ARHGAP15: variants seen among roughly 807,000 people sequenced by gnomAD.
ARHGAP15 encodes the protein Rho GTPase activating protein 15.
ARHGAP15 carries 51 observed loss-of-function variants against 63.7 expected under a neutral mutation model. The ratio of observed to expected loss-of-function variants is 0.80; its 90% CI spans 0.64 to 1.01. The LOEUF (loss-of-function observed/expected upper bound fraction) is 1.01, where lower values mean the gene tolerates loss of function less well. Ranked by LOEUF, ARHGAP15 falls within the 50% of genes least tolerant of loss-of-function variation. ARHGAP15 has a pLI of 0.00. For missense variants in ARHGAP15, 560 were observed against 564.6 expected, an observed-to-expected ratio of 0.99 and a Z score of 0.08; for synonymous variants, 191 against 193.8, an observed-to-expected ratio of 0.99 and a Z score of 0.12.
At chr2:143,146,163 GA>G (rs2104995874) in intron 1 of ARHGAP15, among the ~76,000 whole-genome samples, 1 of 151,760 alleles carries the variant, frequency 6.6e-6, no homozygotes, top group East Asian at 2.0e-4. Context: ...TTAAGAGAGT[GA>G]AAAAGCAACC....
At chr2:143,429,477 T>C (rs1160105207) in intron 6 of ARHGAP15, among the ~76,000 whole-genome samples, 1 of 152,082 alleles carries the variant, frequency 6.6e-6, no homozygotes, top group Non-Finnish European at 1.5e-5. Context: ...GTACTGGAGG[T>C]CTGTCATGTA....
At chr2:143,563,211 G>C (rs745865093) in intron 11 of ARHGAP15, among the ~76,000 whole-genome samples, 3 of 152,154 alleles carry the variant, frequency 2.0e-5, no homozygotes, top group Non-Finnish European at 2.9e-5. Flanking sequence ...ACTTTAAAAA[G>C]TGAATCAGCC....
intron 6 of ARHGAP15, among the ~76,000 whole-genome samples, chr2:143,342,389 A>G (rs970800764): frequency 3.3e-5 from 5 of 152,102 alleles, no homozygotes; most frequent in Non-Finnish European, 5.9e-5. Flanking sequence ...CTCGAATAGG[A>G]AAGATGATTT....
intron 6 of ARHGAP15, among the ~76,000 whole-genome samples, chr2:143,402,481 G>T (rs974553798): frequency 6.8e-6 from 1 of 147,534 alleles, no homozygotes; most frequent in Non-Finnish European, 1.5e-5. Context: ...GAAAACAAAA[G>T]AATTAACCTG....
chr2:143,263,594 C>T (rs1394282372), intron 6 of ARHGAP15, among the ~76,000 whole-genome samples: 1 of 152,180 alleles, frequency 6.6e-6, no homozygotes, highest in Non-Finnish European at 1.5e-5. Flanking sequence ...GGCTAAAGAA[C>T]TTCAACTGAC....
intron 8 of ARHGAP15, among the ~76,000 whole-genome samples, chr2:143,485,906 T>C (rs1175125569): frequency 6.6e-6 from 1 of 152,194 alleles, no homozygotes; most frequent in East Asian, 1.9e-4. Context: ...ATCCAAACTT[T>C]AATTGAAAAA....
At chr2:143,351,175 A>G (rs1182094015) in intron 6 of ARHGAP15, 1 of 152,046 alleles carries the variant, frequency 6.6e-6, no homozygotes, top group Non-Finnish European at 1.5e-5. Context: ...ATTAATATGA[A>G]CTCTTGATTG....
chr2:143,722,931 A>T (rs1685126570), intron 13 of ARHGAP15, among the ~76,000 whole-genome samples: 2 of 152,248 alleles, frequency 1.3e-5, no homozygotes, highest in Admixed American at 1.3e-4. Context: ...GTTACTGAGC[A>T]GTTGAAAAAT....
intron 6 of ARHGAP15, among the ~76,000 whole-genome samples, chr2:143,324,886 G>A (rs949684208): frequency 6.6e-5 from 10 of 152,086 alleles, no homozygotes; most frequent in African/African-American, 2.2e-4. Flanking sequence ...GCTGTGGCCC[G>A]TGAACAGCTT....
At chr2:143,508,367 C>T (rs534338880) in intron 9 of ARHGAP15, among the ~76,000 whole-genome samples, 7 of 152,302 alleles carry the variant, frequency 4.6e-5, no homozygotes, top group Non-Finnish European at 8.8e-5. Flanking sequence ...TGTCTCTCTG[C>T]CTTGCTTCAT....
intron 6 of ARHGAP15, among the ~76,000 whole-genome samples, chr2:143,338,421 CTATT>C (rs761556278): frequency 2.6e-5 from 4 of 152,228 alleles, no homozygotes; most frequent in Non-Finnish European, 4.4e-5. Context: ...AGGAGCAAAA[CTATT>C]TATCTCAGAG....
intron 13 of ARHGAP15, among the ~76,000 whole-genome samples, chr2:143,756,820 G>C (rs544667217): frequency 6.6e-6 from 1 of 152,252 alleles, no homozygotes; most frequent in African/African-American, 2.4e-5. Context: ...ATATATCCTT[G>C]GATGTGAATT....
At chr2:143,690,026 G>A (rs1683523915) in intron 12 of ARHGAP15, among the ~76,000 whole-genome samples, 1 of 152,168 alleles carries the variant, frequency 6.6e-6, no homozygotes, top group African/African-American at 2.4e-5. Context: ...AACTGTGTAG[G>A]AAAAAGCTGC....
intron 2 of ARHGAP15, among the ~76,000 whole-genome samples, chr2:143,201,356 A>G (rs1332863077): frequency 6.6e-6 from 1 of 151,884 alleles, no homozygotes; most frequent in East Asian, 1.9e-4. Flanking sequence ...TTTAAATTTA[A>G]TGTTCCATTT....
intron 6 of ARHGAP15, among the ~76,000 whole-genome samples, chr2:143,260,950 G>C (rs959295206): frequency 6.6e-6 from 1 of 152,018 alleles, no homozygotes. Flanking sequence ...TTATATCCCT[G>C]TCTCTTTCAT....
intron 11 of ARHGAP15, among the ~76,000 whole-genome samples, chr2:143,557,952 G>C (rs1261389418): frequency 6.6e-6 from 1 of 152,046 alleles, no homozygotes; most frequent in Non-Finnish European, 1.5e-5. Flanking sequence ...TAACCTCCCT[G>C]TGCCTCTGTT....
At chr2:143,158,428 A>G (rs1558782932) in intron 2 of ARHGAP15, among the ~76,000 whole-genome samples, 1 of 152,098 alleles carries the variant, frequency 6.6e-6, no homozygotes, top group East Asian at 1.9e-4. Context: ...TTGATAACCT[A>G]AATGTTGCAG....
chr2:143,136,399 A>G (rs1689144177), intron 1 of ARHGAP15, among the ~76,000 whole-genome samples: 1 of 151,950 alleles, frequency 6.6e-6, no homozygotes, highest in East Asian at 1.9e-4. Context: ...ACAACATGAC[A>G]CTTGGATGAA....
intron 11 of ARHGAP15, among the ~76,000 whole-genome samples, chr2:143,576,417 A>G (rs1696683384): frequency 6.6e-6 from 1 of 152,292 alleles, no homozygotes; most frequent in Non-Finnish European, 1.5e-5. Context: ...TGATCCATCC[A>G]TAATGGATCA....
Sources: allele counts gnomAD v4.1 joint callset (sites outside exome capture counted in the v4.1 genomes callset), GRCh38; gene constraint gnomAD v4.1.1; transcripts MANE v1.5; gene names NCBI Gene and HGNC (gene_info 2026-07-23, HGNC 2026-07-21).